The following PRUNE2 variants were observed in gnomAD, a reference collection of about 807,000 sequenced individuals.
PRUNE2 encodes protein prune homolog 2.
A neutral mutation model predicts 252.0 loss-of-function variants in PRUNE2; 164 were observed. That is an observed-to-expected ratio of 0.65 (90% CI 0.57 to 0.74). The LOEUF (loss-of-function observed/expected upper bound fraction) is 0.74. PRUNE2 is among the 30% of genes least tolerant of loss of function. The probability of loss-of-function intolerance (pLI) is 0.00; values close to 1 mark genes in which losing one functional copy is unlikely to be tolerated. For missense variants in PRUNE2, 3,495 were observed against 3,711.0 expected (o/e 0.94, Z 1.51); for synonymous variants, 1,292 against 1,350.2 (o/e 0.96, Z 0.94).
Position 76,638,292 on chromosome 9 carries a change from G to T in PRUNE2, c.8729-4C>A. ...TTTAGACCGTCCCCATAGTATCCTG[G>T]GGGACAAACAAAAAGACACTTGTAA... On this transcript the variant is annotated splice_polypyrimidine_tract_variant and splice_region_variant and intron_variant, in intron 12 of 18. Transcript: ENST00000376718. 6.2e-7 allele frequency: 1 copy of T among 1,606,434 alleles called. No homozygotes were observed. Among genetic ancestry groups the T allele is most frequent in the Non-Finnish European group, 8.5e-7 (1 of 1,173,440 alleles).
chr9:76,786,745 T>C, intron 6 of PRUNE2: 1 of 152,236 alleles, frequency 6.6e-6, no homozygotes, highest in Non-Finnish European at 1.5e-5. Flanking sequence ...TTGCTTTAGA[T>C]GAACATTAGA....
chr9:76,644,740 T>C lies in PRUNE2; in HGVS notation c.8727A>G (p.Gly2909=). Residue 2909 remains glycine (G), a splice_region_variant and synonymous_variant, in exon 12 of 19, where the codon GGA becomes GGG. Transcript: ENST00000376718. Reference sequence around the variant, plus strand: ...CAGATTCATGCTGAGCTCGACTACCTCCGTGAGAAATGACTCTCCTGTAGG... The same window carrying C: ...CAGATTCATGCTGAGCTCGACTACCCCCGTGAGAAATGACTCTCCTGTAGG... ...IEPYRRVISH[G]GYYGDGLNAI... is the part of the protein sequence containing the mutation. 6.2e-7 allele frequency: 1 copy of C among 1,613,530 alleles called. No individual in the cohort carries two copies. The highest frequency in any genetic ancestry group is 8.5e-7 in the Non-Finnish European group (1 of 1,179,566).
intron 11 of PRUNE2, among the ~76,000 whole-genome samples, chr9:76,651,217 G>A (rs199547350): frequency 4.1e-4 from 62 of 150,736 alleles, no homozygotes; most frequent in Admixed American, 1.7e-3. Flanking sequence ...ATAACTTATG[G>A]AAAAAAAAAA....
chr9:76,707,737 G>C lies in PRUNE2; in HGVS notation c.4537C>G (p.Leu1513Val), dbSNP rs746572223. 3.1e-6 allele frequency: 5 copies of C among 1,613,808 alleles called. No individual in the cohort carries two copies. The South Asian group carries it at 5.5e-5, about 18-fold the overall frequency. Reference sequence around the variant, plus strand: ...CTATTTTCAGACCCCTTAACGTCAAGATTTTTGGTTATCTCAGAACATGTG... The same window carrying C: ...CTATTTTCAGACCCCTTAACGTCAACATTTTTGGTTATCTCAGAACATGTG... The part of the protein sequence containing the change: ...SSTCSEITKN[L>V]DVKGSENSLP... The change falls in exon 8 of 19, where the codon CTT becomes GTT. Residue 1513 changes from leucine (L) to valine (V), a missense_variant. Transcript: ENST00000376718.
chr9:76,672,687 A>G (rs2041753808), intron 9 of PRUNE2, among the ~76,000 whole-genome samples: 1 of 148,284 alleles, frequency 6.7e-6, no homozygotes, highest in Non-Finnish European at 1.5e-5. Flanking sequence ...AAAGAACAGA[A>G]ATTATAACAA....
At chr9:76,870,422 C>A (rs990329294) in intron 1 of PRUNE2, among the ~76,000 whole-genome samples, 10 of 151,734 alleles carry the variant, frequency 6.6e-5, no homozygotes, top group African/African-American at 2.4e-4. Flanking sequence ...GCGGTGGCTC[C>A]CGCCTGTAAT....
rs778200938 is a variant in PRUNE2, at chr9:76,706,192, T to A, written c.6082A>T (p.Ile2028Leu). ...TCCCATTCAGAGCCTGGCTTCATTA[T>A]CAGTTGGGTGGGAGAACTGACAGCA... is the stretch of plus-strand genomic sequence containing the variant. Reference protein sequence around the residue: ...FPAVSSPTQLIMKPGSEWDGS... With the variant: ...FPAVSSPTQLLMKPGSEWDGS... The change falls in exon 8 of 19, where the codon ATA (isoleucine) becomes TTA (leucine). Residue 2028 changes from isoleucine (I) to leucine (L), a missense_variant. By Grantham distance (5) the Ile-to-Leu change is conservative. Coordinates refer to ENST00000376718, the MANE Select transcript of PRUNE2 (RefSeq NM_015225.3). 1.4e-5 allele frequency: 23 copies of A among 1,613,882 alleles called. No homozygotes were observed. In the South Asian group the frequency reaches 2.5e-4, roughly 18 times the overall value.
At chr9:76,765,117 G>A (rs766386579) in intron 6 of PRUNE2, among the ~76,000 whole-genome samples, 4 of 152,148 alleles carry the variant, frequency 2.6e-5, no homozygotes, top group Non-Finnish European at 4.4e-5. Flanking sequence ...TGTTGGGGGC[G>A]TGACATTAAC....
intron 6 of PRUNE2, among the ~76,000 whole-genome samples, chr9:76,807,051 T>TGCGC (rs139801181): frequency 5.0e-5 from 7 of 139,456 alleles, no homozygotes; most frequent in South Asian, 2.3e-4. Flanking sequence ...TGTGTGTGTG[T>TGCGC]GCGCGCGCGC....
chr9:76,689,850 T>C (rs1395639164), intron 9 of PRUNE2, among the ~76,000 whole-genome samples: 2 of 152,206 alleles, frequency 1.3e-5, no homozygotes, highest in Non-Finnish European at 2.9e-5. Context: ...TCAGCTTCTA[T>C]TACTTTAGCA....
intron 6 of PRUNE2, among the ~76,000 whole-genome samples, chr9:76,714,172 C>T (rs945086679): frequency 5.9e-5 from 9 of 151,908 alleles, no homozygotes; most frequent in Non-Finnish European, 8.8e-5. Flanking sequence ...GAAATTCCTA[C>T]GAATCAACAT....
chr9:76,824,277 G>C (rs575945334), intron 5 of PRUNE2, among the ~76,000 whole-genome samples: 22 of 152,278 alleles, frequency 1.4e-4, no homozygotes, highest in Non-Finnish European at 2.4e-4. Context: ...GACAAAGGCA[G>C]GGAATAAAAG....
chr9:76,834,997 C>T (rs2058878077), intron 4 of PRUNE2, among the ~76,000 whole-genome samples: 1 of 152,026 alleles, frequency 6.6e-6, no homozygotes, highest in South Asian at 2.1e-4. Context: ...AAGGACGTAC[C>T]CCAAAGTATC....
chr9:76,804,530 G>T (rs1289420917), intron 6 of PRUNE2, among the ~76,000 whole-genome samples: 2 of 152,206 alleles, frequency 1.3e-5, no homozygotes, highest in Non-Finnish European at 2.9e-5. Flanking sequence ...CCTTCTAACA[G>T]AATGTTTCTC....
chr9:76,758,571 C>T (rs2130660839), intron 6 of PRUNE2: 1 of 151,164 alleles, frequency 6.6e-6, no homozygotes, highest in African/African-American at 2.4e-5. Context: ...GTGATACTAG[C>T]TCACTGCAGT....
intron 4 of PRUNE2, among the ~76,000 whole-genome samples, chr9:76,833,226 T>G (rs1464372592): frequency 6.6e-6 from 1 of 152,070 alleles, no homozygotes; most frequent in Non-Finnish European, 1.5e-5. Context: ...ATTCAACAAT[T>G]TATAATAGGA....
At chr9:76,839,871 A>G (rs1365989602) in intron 4 of PRUNE2, among the ~76,000 whole-genome samples, 7 of 152,218 alleles carry the variant, frequency 4.6e-5, no homozygotes, top group African/African-American at 1.7e-4. Flanking sequence ...AAGGCAAAGG[A>G]AAGAATCATG....
intron 9 of PRUNE2, among the ~76,000 whole-genome samples, chr9:76,660,781 C>CAAAAAA (rs11432174): frequency 3.2e-4 from 32 of 100,828 alleles, no homozygotes; most frequent in African/African-American, 4.4e-4. Flanking sequence ...GACTCTGAAT[C>CAAAAAA]AAAAAAAAAA....
At chr9:76,888,902 G>C (rs891971989) in intron 1 of PRUNE2, among the ~76,000 whole-genome samples, 1 of 152,008 alleles carries the variant, frequency 6.6e-6, no homozygotes, top group African/African-American at 2.4e-5. Flanking sequence ...AAGTGCAGTG[G>C]CATGATCTCC....
Sources: allele counts gnomAD v4.1 joint callset (sites outside exome capture counted in the v4.1 genomes callset), GRCh38; gene constraint gnomAD v4.1.1; transcripts MANE v1.5; gene names NCBI Gene and HGNC (gene_info 2026-07-23, HGNC 2026-07-21).